Variants in MAGI2 observed in about 807,000 individuals in gnomAD.
MAGI2 encodes membrane-associated guanylate kinase, WW and PDZ domain-containing protein 2.
In MAGI2, 35 loss-of-function variants were observed where a neutral mutation model predicts 133.3. That is an observed-to-expected ratio of 0.26 (90% CI 0.20 to 0.35). The LOEUF is 0.35. MAGI2 is among the 10% of genes least tolerant of loss of function. The pLI is 1.00. For missense variants in MAGI2, 1,636 were observed against 1,863.4 expected (o/e 0.88, Z 2.25); for synonymous variants, 729 against 710.6 (o/e 1.03, Z -0.41).
At chr7:78,087,739 A>G (rs1388031004) in intron 20 of MAGI2, among the ~76,000 whole-genome samples, 1 of 152,240 alleles carries the variant, frequency 6.6e-6, no homozygotes, top group African/African-American at 2.4e-5. Flanking sequence ...TGAAGTTCTT[A>G]GGAAAAGAAT....
At chr7:78,790,422 C>T (rs1187643435) in intron 2 of MAGI2, among the ~76,000 whole-genome samples, 2 of 152,038 alleles carry the variant, frequency 1.3e-5, no homozygotes, top group African/African-American at 2.4e-5. Flanking sequence ...ATCACTTTGC[C>T]TTCCTGGAGT....
intron 21 of MAGI2, among the ~76,000 whole-genome samples, chr7:78,059,116 T>C (rs2151130316): frequency 6.6e-6 from 1 of 152,328 alleles, no homozygotes; most frequent in Non-Finnish European, 1.5e-5. Context: ...CTGATCTACC[T>C]CTAGTCCACT....
At chr7:78,692,775 G>T (rs1411082923) in intron 2 of MAGI2, among the ~76,000 whole-genome samples, 1 of 152,168 alleles carries the variant, frequency 6.6e-6, no homozygotes, top group Non-Finnish European at 1.5e-5. Flanking sequence ...CGTATGAAGT[G>T]TGTGGCTGTA....
At chr7:78,916,346 T>C (rs1004380394) in intron 2 of MAGI2, among the ~76,000 whole-genome samples, 1 of 152,132 alleles carries the variant, frequency 6.6e-6, no homozygotes, top group Admixed American at 6.6e-5. Flanking sequence ...TTGAATAGCA[T>C]TCATTTATTT....
chr7:78,704,784 T>TTTTTTCCTTTTTC (rs1585140085), intron 2 of MAGI2, among the ~76,000 whole-genome samples: 1 of 148,290 alleles, frequency 6.7e-6, no homozygotes, highest in Non-Finnish European at 1.5e-5. Flanking sequence ...TATTCTTTTT[T>TTTTTTCCTTTTTC]TTTTTTTTTT....
intron 3 of MAGI2, among the ~76,000 whole-genome samples, chr7:78,558,650 T>C (rs1404974592): frequency 1.3e-5 from 2 of 152,120 alleles, no homozygotes; most frequent in African/African-American, 4.8e-5. Context: ...TTCAGTTTCT[T>C]CACTGCCTTT....
chr7:78,234,638 GAA>G (rs1790338014), intron 10 of MAGI2, among the ~76,000 whole-genome samples: 2 of 30,234 alleles, frequency 6.6e-5, no homozygotes. Context: ...ATAATATAAT[GAA>G]TATATTTCAT....
chr7:79,308,861 C>T (rs1426914019), intron 1 of MAGI2, among the ~76,000 whole-genome samples: 2 of 152,036 alleles, frequency 1.3e-5, no homozygotes, highest in Non-Finnish European at 2.9e-5. Context: ...ATAGTAGAAA[C>T]AGCAATGAGA....
chr7:79,341,677 C>A (rs1011456211), intron 1 of MAGI2, among the ~76,000 whole-genome samples: 2 of 152,154 alleles, frequency 1.3e-5, no homozygotes, highest in African/African-American at 4.8e-5. Context: ...GAGGCTAGTT[C>A]ATGAAGACCA....
chr7:78,177,857 A>G (rs1353554187), intron 14 of MAGI2, among the ~76,000 whole-genome samples, 154 bp downstream of exon 14: 2 of 152,168 alleles, frequency 1.3e-5, no homozygotes, highest in South Asian at 2.1e-4. Flanking sequence ...ATCTTTTTAA[A>G]GAAAACAGCA....
rs900196383 is a variant in MAGI2 at position 78,019,888 on chromosome 7, G to A, written c.3795C>T (p.Phe1265=). ...GVSLDDGLAP[F]SPSHPAPPSD... is the part of the protein sequence containing the mutation. ...AGGGTGGGGCTGGATGTGATGGAGA[G>A]AATGGAGCGAGGCCGTCGTCCAGGG... is the stretch of plus-strand genomic sequence containing the variant. The change falls in exon 22 of 22, where the codon TTC becomes TTT. Residue 1265 remains phenylalanine (F), a synonymous_variant. Transcript: ENST00000354212. The A allele has an allele frequency of 4.3e-6, 7 of 1,612,464 alleles. No individual in the cohort carries two copies. In the African/African-American group the frequency reaches 5.3e-5, roughly 12 times the overall value.
At chr7:79,184,867 A>C (rs189895075) in intron 1 of MAGI2, among the ~76,000 whole-genome samples, 1 of 151,810 alleles carries the variant, frequency 6.6e-6, no homozygotes, top group Non-Finnish European at 1.5e-5. Context: ...TGACATAATA[A>C]ATAAAGGTGC....
At chr7:79,101,446 C>T (rs556571262) in intron 1 of MAGI2, among the ~76,000 whole-genome samples, 16 of 152,096 alleles carry the variant, frequency 1.1e-4, no homozygotes, top group East Asian at 3.9e-4. Flanking sequence ...AAAATGGGGC[C>T]GGGCGCAGTG....
intron 1 of MAGI2, among the ~76,000 whole-genome samples, chr7:79,066,627 T>C (rs951900904): frequency 3.9e-5 from 6 of 152,194 alleles, no homozygotes; most frequent in Non-Finnish European, 8.8e-5. Context: ...ATCCCATTTG[T>C]CTCTTTTGGG....
intron 6 of MAGI2, among the ~76,000 whole-genome samples, chr7:78,432,176 A>G (rs914191542): frequency 6.6e-6 from 1 of 151,774 alleles, no homozygotes; most frequent in African/African-American, 2.4e-5. Flanking sequence ...AACATTCTGT[A>G]CATTAGAACA....
intron 1 of MAGI2, among the ~76,000 whole-genome samples, chr7:79,381,443 A>G (rs1340331341): frequency 6.6e-6 from 1 of 151,788 alleles, no homozygotes; most frequent in African/African-American, 2.4e-5. Flanking sequence ...TCAATTTGAT[A>G]TATAGAGACA....
At chr7:79,337,064 T>G (rs1563128927) in intron 1 of MAGI2, among the ~76,000 whole-genome samples, 1 of 152,052 alleles carries the variant, frequency 6.6e-6, no homozygotes, top group Non-Finnish European at 1.5e-5. Context: ...GTAATCATAC[T>G]ACTATCTATA....
intron 1 of MAGI2, among the ~76,000 whole-genome samples, chr7:79,292,825 A>G (rs969718102): frequency 7.5e-6 from 1 of 133,948 alleles, no homozygotes; most frequent in African/African-American, 2.7e-5. Context: ...TGTCATTTTG[A>G]TAGGGATTGC....
At chr7:78,760,229 T>C (rs1306453368) in intron 2 of MAGI2, among the ~76,000 whole-genome samples, 2 of 152,222 alleles carry the variant, frequency 1.3e-5, no homozygotes, top group African/African-American at 4.8e-5. Flanking sequence ...ATATAATATT[T>C]TTAAGGCTAC....
Sources: allele counts gnomAD v4.1 joint callset (sites outside exome capture counted in the v4.1 genomes callset), GRCh38; gene constraint gnomAD v4.1.1; transcripts MANE v1.5; gene names NCBI Gene and HGNC (gene_info 2026-07-23, HGNC 2026-07-21).